PEMT: variants seen among roughly 807,000 people sequenced by gnomAD.
PEMT encodes the protein phospholipid methyltransferase.
Under a neutral mutation model 27.4 loss-of-function variants are expected in PEMT, and 23 were observed. That is an observed-to-expected ratio of 0.84 (90% CI 0.60 to 1.19). The LOEUF is 1.19. PEMT is among the 50% of genes most tolerant of loss of function. The pLI is 0.00. For missense variants in PEMT, 307 were observed against 310.1 expected (o/e 0.99, Z 0.07); for synonymous variants, 137 against 139.1 (o/e 0.98, Z 0.11).
chr17:17,587,703 AAAAAC>A (rs746515023), intron 1 of PEMT, among the ~76,000 whole-genome samples: 24 of 152,080 alleles, frequency 1.6e-4, no homozygotes, highest in East Asian at 7.7e-4. Context: ...TAAAAATACA[AAAAAC>A]AAAACAAAAC....
chr17:17,541,629 C>A (rs561163658), intron 2 of PEMT, among the ~76,000 whole-genome samples: 1 of 152,250 alleles, frequency 6.6e-6, no homozygotes, highest in Non-Finnish European at 1.5e-5. Flanking sequence ...CCTAAAGCAG[C>A]GGTGAGCACA....
chr17:17,577,485 T>C (rs976481739), intron 1 of PEMT: 1 of 1,024,064 alleles, frequency 9.8e-7, no homozygotes. Context: ...CAGGGGACAA[T>C]CTTGAGTGCA....
intron 1 of PEMT, among the ~76,000 whole-genome samples, chr17:17,586,566 C>T (rs1912327067): frequency 1.3e-5 from 2 of 152,286 alleles, no homozygotes; most frequent in Admixed American, 1.3e-4. Context: ...AATGGGAAGT[C>T]TTGGGAAATC....
rs1013472358 is a variant in PEMT, at chr17:17,513,017, T to C, written c.321-363A>G. ...CACCAGCTTGCAAACTCTCATCCTGTCCAATGAGCAACTCATACTATGGAG... is the reference window on the plus strand; with the variant it reads ...CACCAGCTTGCAAACTCTCATCCTGCCCAATGAGCAACTCATACTATGGAG... On this transcript the variant is annotated intron_variant, in intron 3 of 6. Transcript: ENST00000255389. This position sits in a 1 kb window ranked among gnomAD's most constrained non-coding sequence, Gnocchi z 4.1. Among the ~76,000 whole-genome samples, 1 of 152,186 alleles carries C rather than the reference T, an allele frequency of 6.6e-6. No individual in the cohort carries two copies. The highest frequency in any genetic ancestry group is 1.5e-5 in the Non-Finnish European group (1 of 68,034).
intron 2 of PEMT, among the ~76,000 whole-genome samples, chr17:17,551,237 G>A (rs530954529): frequency 6.6e-6 from 1 of 152,342 alleles, no homozygotes; most frequent in African/African-American, 2.4e-5. Flanking sequence ...CAAGACACCG[G>A]AAAGGGGTTC....
chr17:17,564,570 A>T (rs1910699949), intron 2 of PEMT, among the ~76,000 whole-genome samples: 2 of 152,158 alleles, frequency 1.3e-5, no homozygotes, highest in Non-Finnish European at 2.9e-5. Flanking sequence ...GGGCAGAGGC[A>T]CTTCAGCAAC....
chr17:17,570,248 G>C (rs1429293320), intron 2 of PEMT, among the ~76,000 whole-genome samples: 2 of 152,222 alleles, frequency 1.3e-5, no homozygotes, highest in Admixed American at 6.5e-5. Context: ...CACAGAAGCA[G>C]AGCAGGCTCC....
At chr17:17,515,660 G>C (rs1022324843) in intron 3 of PEMT, among the ~76,000 whole-genome samples, 2 of 152,112 alleles carry the variant, frequency 1.3e-5, no homozygotes, top group Non-Finnish European at 2.9e-5. Flanking sequence ...TTAGGCAATC[G>C]ACAGTGTTCT....
intron 2 of PEMT, among the ~76,000 whole-genome samples, chr17:17,557,823 G>A (rs1373086855): frequency 5.3e-5 from 8 of 152,196 alleles, no homozygotes; most frequent in Non-Finnish European, 1.5e-5. Flanking sequence ...CTGGCTCCTG[G>A]AGCCCATGGC....
At chr17:17,541,559 C>A (rs1323728246) in intron 2 of PEMT, among the ~76,000 whole-genome samples, 3 of 152,256 alleles carry the variant, frequency 2.0e-5, no homozygotes, top group Non-Finnish European at 2.9e-5. Flanking sequence ...CCAGCTCCAG[C>A]GAGCCAGAGC....
chr17:17,556,381 T>C (rs974323482), intron 2 of PEMT, among the ~76,000 whole-genome samples: 12 of 148,864 alleles, frequency 8.1e-5, no homozygotes, highest in Non-Finnish European at 1.5e-5. Context: ...TCTCTCACTT[T>C]TTTTTTTTTT....
chr17:17,563,960 T>A (rs1186231580), intron 2 of PEMT, among the ~76,000 whole-genome samples: 1 of 152,190 alleles, frequency 6.6e-6, no homozygotes, highest in East Asian at 1.9e-4. Context: ...AGGGCGGGGC[T>A]GTGGCCTGGG....
chr17:17,565,631 G>A (rs999749059), intron 2 of PEMT, among the ~76,000 whole-genome samples: 2 of 152,274 alleles, frequency 1.3e-5, no homozygotes, highest in African/African-American at 4.8e-5. Context: ...TGACACTGGA[G>A]AGCCCAACAC....
intron 1 of PEMT, among the ~76,000 whole-genome samples, chr17:17,579,453 G>T (rs371895579): frequency 6.6e-6 from 1 of 152,292 alleles, no homozygotes; most frequent in East Asian, 1.9e-4. Flanking sequence ...CGAGGTGGGC[G>T]GATCACCTGA....
intron 2 of PEMT, among the ~76,000 whole-genome samples, chr17:17,532,632 T>G (rs1908180699): frequency 6.6e-6 from 1 of 152,260 alleles, no homozygotes; most frequent in South Asian, 2.1e-4. Flanking sequence ...GAATCTCAGC[T>G]GGCTTCTTTG....
chr17:17,515,493 GGCT>G (rs1297670598), intron 3 of PEMT, among the ~76,000 whole-genome samples: 7 of 152,138 alleles, frequency 4.6e-5, no homozygotes, highest in African/African-American at 1.7e-4. Flanking sequence ...TGACAGCCTG[GGCT>G]GGCTCCTGGC....
At position 17,586,275 on chromosome 17, in the gene PEMT, AGAAAGAAAG is replaced by A. The variant is rs1435747754; in HGVS notation, c.96+5247_96+5255del. 2.9e-3 allele frequency among the ~76,000 whole-genome samples: 336 copies of A among 116,260 alleles called. 4 individuals are homozygous for A. Among genetic ancestry groups the A allele is most frequent in the Admixed American group, 3.9e-3 (47 of 11,976 alleles). 76.3% of individuals were successfully genotyped at this position (116,260 alleles called of 152,430 possible). On this transcript the variant is annotated intron_variant, in intron 1 of 6. Coordinates refer to ENST00000255389, the MANE Select transcript of PEMT (RefSeq NM_148172.3). ...AAGAAAGAAAGAAAGAAAGAAAGAA[AGAAAGAAAG>A]AAAGAAAAAAAAAAACGCAGGTGGA...
chr17:17,565,526 C>T (rs907724419), intron 2 of PEMT, among the ~76,000 whole-genome samples: 2 of 152,216 alleles, frequency 1.3e-5, no homozygotes, highest in Non-Finnish European at 1.5e-5. Context: ...CACTGTGCCA[C>T]GCCTGGCAGG....
At chr17:17,515,107 G>A (rs1906723454) in intron 3 of PEMT, among the ~76,000 whole-genome samples, 1 of 152,176 alleles carries the variant, frequency 6.6e-6, no homozygotes, top group Non-Finnish European at 1.5e-5. Context: ...ACGCTGGAGG[G>A]TCACTCTGGA....
Sources: allele counts gnomAD v4.1 joint callset (sites outside exome capture counted in the v4.1 genomes callset), GRCh38; gene constraint gnomAD v4.1.1; non-coding constraint Gnocchi (gnomAD v3.1); transcripts MANE v1.5; gene names NCBI Gene and HGNC (gene_info 2026-07-23, HGNC 2026-07-21).